Variants in AGBL1 observed in about 807,000 individuals in gnomAD.
The protein encoded by AGBL1 is AGBL carboxypeptidase 1.
A neutral mutation model predicts 118.9 loss-of-function variants in AGBL1; 130 were observed. The observed-to-expected ratio is 1.09, with a 90% CI of 0.95 to 1.26. The LOEUF (loss-of-function observed/expected upper bound fraction) is 1.26, where lower values mean the gene tolerates loss of function less well. AGBL1 is among the 50% of genes most tolerant of loss of function. AGBL1 has a pLI of 0.00. For missense variants in AGBL1, 1,584 were observed against 1,298.1 expected, an observed-to-expected ratio of 1.22 and a Z score of -3.38; for synonymous variants, 555 against 478.9, an observed-to-expected ratio of 1.16 and a Z score of -2.08.
At chr15:86,114,324 T>G (rs943605461) in intron 1 of AGBL1, among the ~76,000 whole-genome samples, 1 of 152,048 alleles carries the variant, frequency 6.6e-6, no homozygotes, top group Non-Finnish European at 1.5e-5. Flanking sequence ...TGGCAAGGAG[T>G]CCAGAAGGAA....
chr15:86,914,732 A>T lies in AGBL1; in HGVS notation c.*7438A>T, dbSNP rs572696858. On this transcript the variant is annotated 3_prime_UTR_variant, in exon 23 of 23. Transcript: ENST00000614907. The stretch of plus-strand genomic sequence containing the variant: ...GTAGTAAGTAGCAGATCACAACCTT[A>T]ACTCAGGCAATCGGACTCTTAAACT... The T allele has an allele frequency of 6.6e-6, 1 of 152,298 alleles. No homozygotes were observed. Among genetic ancestry groups the T allele is most frequent in the African/African-American group, 2.4e-5 (1 of 41,552 alleles). The allele number at this position is 152,298 out of a possible 1,614,324, so 9.4% of individuals were successfully genotyped here.
intron 21 of AGBL1, among the ~76,000 whole-genome samples, chr15:86,614,328 A>G (rs1369909476): frequency 1.3e-5 from 2 of 151,408 alleles, no homozygotes; most frequent in Non-Finnish European, 3.0e-5. Context: ...TTAATTCTTG[A>G]TAATATTGCT....
At chr15:86,266,966 C>G (rs2079084420) in intron 12 of AGBL1, 24 bp from the exon 13 acceptor site, 3 of 1,510,308 alleles carry the variant, frequency 2.0e-6, no homozygotes, top group Non-Finnish European at 1.8e-6. Flanking sequence ...CACATATGTT[C>G]ACATGTTCCT....
chr15:86,137,023 T>C (rs1244311591), intron 1 of AGBL1, among the ~76,000 whole-genome samples: 3 of 152,188 alleles, frequency 2.0e-5, no homozygotes, highest in Non-Finnish European at 4.4e-5. Context: ...TCAAGGCACA[T>C]CACATCCTGC....
chr15:86,310,327 G>A (rs1603500), intron 17 of AGBL1, among the ~76,000 whole-genome samples: 34,405 of 151,594 alleles, frequency 0.23, 4,315 homozygotes, highest in African/African-American at 0.33. Context: ...TACTTAGTTT[G>A]GCTAAAGGTT....
rs1166852735 is a variant in AGBL1 at position 86,264,726 on chromosome 15, A to G, written c.1555A>G (p.Arg519Gly). 6.2e-7 allele frequency: 1 copy of G among 1,614,074 alleles called. No individual in the cohort carries two copies. The highest frequency in any genetic ancestry group is 2.2e-5 in the East Asian group (1 of 44,880). The part of the protein sequence containing the change: ...HDPYLYMAKA[R>G]RTSSVVDFKM... ...TCCCTATCTTTATATGGCCAAAGCC[A>G]GAAGAACCAGCTCTGTGGTGGACTT... Residue 519 changes from arginine (R) to glycine (G), a missense_variant, in exon 11 of 23, where the codon AGA (arginine) becomes GGA (glycine). Transcript: ENST00000614907.
chr15:86,780,279 C>T (rs1251599560), intron 22 of AGBL1, among the ~76,000 whole-genome samples: 4 of 152,132 alleles, frequency 2.6e-5, no homozygotes, highest in African/African-American at 4.8e-5. Flanking sequence ...ATCAGATGAC[C>T]ATATGTTTCA....
At chr15:86,303,564 C>T (rs1346523308) in intron 17 of AGBL1, among the ~76,000 whole-genome samples, 1 of 151,784 alleles carries the variant, frequency 6.6e-6, no homozygotes, top group East Asian at 1.9e-4. Context: ...TTTTCAGAGG[C>T]CTAAAAATTA....
Position 86,522,937 on chromosome 15 carries a change from G to A in AGBL1, c.2683G>A (p.Val895Met), listed in dbSNP as rs144777747. ...CCTGAGCAGCATTGGCCGAAGTCCC[G>A]TGGTGAGTCACTTCCTTCTGCCTCC... is the stretch of plus-strand genomic sequence containing the variant. ...YHLSSIGRSP[V>M]VFCDFHGHSQ... The change falls in exon 19 of 23, where the codon GTG becomes ATG. Residue 895 changes from valine to methionine, a missense_variant and splice_region_variant. Val to Met is a conservative substitution (Grantham distance 21, BLOSUM62 1). Coordinates refer to ENST00000614907, the MANE Select transcript of AGBL1 (RefSeq NM_001386094.1). 19,500 of 1,613,730 alleles carry A rather than the reference G, an allele frequency of 0.012. 199 individuals are homozygous for A. The highest frequency in any genetic ancestry group is 0.039 in the South Asian group (3,527 of 91,068).
At chr15:86,832,918 G>A (rs8025640) in intron 22 of AGBL1, among the ~76,000 whole-genome samples, 28,169 of 152,076 alleles carry the variant, frequency 0.19, 2,683 homozygotes, top group East Asian at 0.3. Context: ...AATTTATAAA[G>A]GAAAGAGGTT....
chr15:86,402,133 T>C (rs1360909754), intron 18 of AGBL1, among the ~76,000 whole-genome samples: 2 of 151,988 alleles, frequency 1.3e-5, no homozygotes, highest in Admixed American at 6.6e-5. Flanking sequence ...TTTTCAGCAG[T>C]GTTTTGTTTT....
intron 22 of AGBL1, among the ~76,000 whole-genome samples, chr15:86,706,339 A>G (rs948073030): frequency 8.5e-5 from 13 of 152,108 alleles, no homozygotes; most frequent in Non-Finnish European, 1.6e-4. Context: ...GGTAAAAAAG[A>G]AAAAGCTTGG....
chr15:86,910,943 G>A lies in AGBL1; in HGVS notation c.*3649G>A, dbSNP rs1016074011. On this transcript the variant is annotated 3_prime_UTR_variant, in exon 23 of 23. Coordinates refer to ENST00000614907, the MANE Select transcript of AGBL1 (RefSeq NM_001386094.1). The stretch of plus-strand genomic sequence containing the variant: ...ATCCAGAGTTAGAGGGTACTTACTT[G>A]AGAGTTAACTCTCAATAGTTATAAG... The A allele has an allele frequency of 2.0e-5, 3 of 152,180 alleles. No homozygotes were observed. The highest frequency in any genetic ancestry group is 4.1e-4 in the South Asian group (2 of 4,824). 9.4% of individuals were successfully genotyped at this position (152,180 alleles called of 1,614,324 possible). A position where few individuals can be genotyped will look rare whatever the true frequency, so the allele number is the denominator to read the frequency against.
intron 24 of AGBL1, among the ~76,000 whole-genome samples, chr15:87,001,657 T>C (rs2081438904): frequency 6.6e-6 from 1 of 152,108 alleles, no homozygotes; most frequent in Admixed American, 6.6e-5. Flanking sequence ...TCCTGACTTT[T>C]TAATGATCGC....
At chr15:87,006,265 G>A (rs2081501850) in intron 24 of AGBL1, among the ~76,000 whole-genome samples, 1 of 152,202 alleles carries the variant, frequency 6.6e-6, no homozygotes, top group Non-Finnish European at 1.5e-5. Flanking sequence ...GCTGCCTTTT[G>A]TTTAGCTATG....
chr15:86,306,225 T>C (rs569704857), intron 17 of AGBL1, among the ~76,000 whole-genome samples: 2 of 152,278 alleles, frequency 1.3e-5, no homozygotes, highest in Admixed American at 6.5e-5. Flanking sequence ...TTGACTATAG[T>C]CACCCCATTG....
intron 21 of AGBL1, among the ~76,000 whole-genome samples, chr15:86,586,307 A>G (rs1415877968): frequency 6.6e-6 from 1 of 152,334 alleles, no homozygotes; most frequent in Non-Finnish European, 1.5e-5. Flanking sequence ...AGTGTTTGCC[A>G]TTAGTTTACC....
chr15:86,611,669 G>A (rs2084657150), intron 21 of AGBL1, among the ~76,000 whole-genome samples: 1 of 151,368 alleles, frequency 6.6e-6, no homozygotes, highest in Non-Finnish European at 1.5e-5. Flanking sequence ...TTTCCCCCTT[G>A]GTAATCTAAT....
At chr15:86,355,980 C>T (rs1316812263) in intron 17 of AGBL1, among the ~76,000 whole-genome samples, 4 of 152,188 alleles carry the variant, frequency 2.6e-5, no homozygotes, top group African/African-American at 9.6e-5. Context: ...GTCTTCTTTT[C>T]AGCACCAGAC....
Sources: gnomAD v4.1 joint callset for allele counts (sites outside exome capture counted in the v4.1 genomes callset) on GRCh38, gnomAD v4.1.1 for gene constraint, MANE v1.5 for transcripts, NCBI Gene and HGNC (gene_info 2026-07-23, HGNC 2026-07-21) for gene names.